The following WIPF1 variants were observed in gnomAD, a reference collection of about 807,000 sequenced individuals.
The protein encoded by WIPF1 is WAS/WASL interacting protein family member 1.
A neutral mutation model predicts 35.4 loss-of-function variants in WIPF1; 13 were observed. That is an observed-to-expected ratio of 0.37 (90% CI 0.24 to 0.58). The LOEUF (loss-of-function observed/expected upper bound fraction) is 0.58. Ranked by LOEUF, WIPF1 falls within the 20% of genes least tolerant of loss-of-function variation. The pLI is 0.74. For missense variants in WIPF1, 591 were observed against 667.0 expected (o/e 0.89, Z 1.25); for synonymous variants, 267 against 266.3 (o/e 1.00, Z -0.02).
intron 1 of WIPF1, among the ~76,000 whole-genome samples, chr2:174,631,477 G>A (rs997941117): frequency 2.0e-5 from 3 of 152,176 alleles, no homozygotes; most frequent in Admixed American, 1.3e-4. Flanking sequence ...GGAATGGGGA[G>A]TTGTTGTTTA....
intron 1 of WIPF1, chr2:174,656,216 C>G (rs951978717): frequency 1.4e-4 from 21 of 152,386 alleles, no homozygotes; most frequent in African/African-American, 4.6e-4. Context: ...CAGGCAAGAA[C>G]AGCAGAAGAG....
chr2:174,585,493 A>G (rs1685382610), intron 2 of WIPF1, 30 bp downstream of exon 2: 4 of 1,475,820 alleles, frequency 2.7e-6, no homozygotes, highest in Non-Finnish European at 3.7e-6. Flanking sequence ...TGCTTTATGC[A>G]TAGAAAGTGT....
intron 1 of WIPF1, among the ~76,000 whole-genome samples, chr2:174,595,518 G>A (rs932977037): frequency 1.3e-5 from 2 of 152,044 alleles, no homozygotes; most frequent in Non-Finnish European, 2.9e-5. Context: ...ATGAAGGAGT[G>A]CTTAATAAGT....
Position 174,561,123 on chromosome 2 carries a change from C to T in WIPF1, c.*1424G>A, listed in dbSNP as rs1684473515. ...CAAAATCATATAAGAAAAGGCAAGG[C>T]TGGCTCTTCCCTATGGTCCTTTAGT... On this transcript the variant is annotated 3_prime_UTR_variant, in exon 8 of 8. Coordinates refer to ENST00000679041, the MANE Select transcript of WIPF1 (RefSeq NM_001375834.1). 1 of 152,630 alleles carries T rather than the reference C, an allele frequency of 6.6e-6. No individual in the cohort carries two copies. The highest frequency in any genetic ancestry group is 1.5e-5 in the Non-Finnish European group (1 of 68,046). 9.5% of individuals were successfully genotyped at this position (152,630 alleles called of 1,614,324 possible).
chr2:174,588,932 C>G (rs1348624718), intron 1 of WIPF1, among the ~76,000 whole-genome samples: 1 of 152,202 alleles, frequency 6.6e-6, no homozygotes, highest in African/African-American at 2.4e-5. Flanking sequence ...ATCTCTCACT[C>G]CCCTCCAGAT....
At chr2:174,601,975 G>C (rs1302564940), upstream of WIPF1, among the ~76,000 whole-genome samples, 1 of 152,186 alleles carries the variant, frequency 6.6e-6, no homozygotes. Flanking sequence ...GAAGAAAGAG[G>C]GTGGAGAGAA....
In WIPF1 at chr2:174,624,937, G is replaced by A. The variant is rs573076921; in HGVS notation, c.-38-39326C>T. On this transcript the variant is annotated intron_variant, in intron 1 of 8. Coordinates refer to the WIPF1 transcript ENST00000272746. ...GAAGCTGACCCCATCGCCCTACAGC[G>A]TTCTGACAACTGGCACTATGGGGAC... 7.2e-5 allele frequency among the ~76,000 whole-genome samples: 11 copies of A among 152,288 alleles called. No individual in the cohort carries two copies. In the South Asian group the frequency reaches 1.4e-3, roughly 20 times the overall value.
intron 3 of WIPF1, among the ~76,000 whole-genome samples, chr2:174,578,478 T>C (rs143984969): frequency 6.6e-6 from 1 of 152,246 alleles, no homozygotes; most frequent in Non-Finnish European, 1.5e-5. Context: ...ATAAAGTTTT[T>C]ATCTTTTCCC....
At chr2:174,588,064 C>T (rs867604008) in intron 1 of WIPF1, among the ~76,000 whole-genome samples, 5 of 152,290 alleles carry the variant, frequency 3.3e-5, no homozygotes, top group Admixed American at 6.5e-5. Context: ...GCATCTCCAG[C>T]GGCACATTCA....
intron 1 of WIPF1, among the ~76,000 whole-genome samples, chr2:174,652,807 AC>A (rs142600190): frequency 3.3e-5 from 5 of 151,396 alleles, no homozygotes; most frequent in African/African-American, 7.3e-5. Flanking sequence ...AAAAAAAAAA[AC>A]AAAAAAAAAC....
At chr2:174,596,466 C>T (rs1277682091) in intron 1 of WIPF1, among the ~76,000 whole-genome samples, 2 of 152,218 alleles carry the variant, frequency 1.3e-5, no homozygotes, top group Non-Finnish European at 2.9e-5. Context: ...TCCTTTCTCA[C>T]TGTCCTGTCC....
At position 174,640,873 on chromosome 2, in the gene WIPF1, C is replaced by A. The variant is rs572267286; in HGVS notation, c.-39+41901G>T. On this transcript the variant is annotated intron_variant, in intron 1 of 8. Coordinates refer to the WIPF1 transcript ENST00000272746. Reference sequence around the variant, plus strand: ...ATTTAATGCAATCCCTATCAAAATACCAATGACATTCTTCACAGAAACAGA... The same window carrying A: ...ATTTAATGCAATCCCTATCAAAATAACAATGACATTCTTCACAGAAACAGA... Among the ~76,000 whole-genome samples the A allele has an allele frequency of 3.3e-5, 5 of 152,220 alleles. No homozygotes were observed. In the South Asian group the frequency reaches 1.0e-3, roughly 32 times the overall value.
At chr2:174,609,591 T>G (rs1244212826) in intron 1 of WIPF1, among the ~76,000 whole-genome samples, 1 of 152,256 alleles carries the variant, frequency 6.6e-6, no homozygotes, top group African/African-American at 2.4e-5. Flanking sequence ...TATTTTATAA[T>G]AAATTACTTT....
Position 174,571,981 on chromosome 2 carries a change from G to A in WIPF1, c.824C>T (p.Pro275Leu). ...GGGAACCGCTTCCCTGTGGATGGAGGGCCTGTTGCCCACTGGAGGAGGTGG... is the reference window on the plus strand; with the variant it reads ...GGGAACCGCTTCCCTGTGGATGGAGAGCCTGTTGCCCACTGGAGGAGGTGG... ...PPPPPPVGNR[P>L]SIHREAVPPP... The change falls in exon 5 of 8, where the codon CCC (proline) becomes CTC (leucine). Residue 275 changes from proline to leucine, a missense_variant. Physicochemically the swap from Pro to Leu is moderately conservative, Grantham distance 98. This residue lies in a region of WIPF1 where 471 missense variants were observed against 501.1 expected (regional missense o/e 0.94). Coordinates refer to ENST00000679041, the MANE Select transcript of WIPF1 (RefSeq NM_001375834.1). The surrounding 1 kb of genome is among the most constrained non-coding windows in gnomAD (Gnocchi z 4.6). The A allele has an allele frequency of 6.4e-7, 1 of 1,557,484 alleles. No homozygotes were observed. The highest frequency in any genetic ancestry group is 8.7e-7 in the Non-Finnish European group (1 of 1,154,144).
At chr2:174,672,840 C>G (rs1257334445) in intron 1 of WIPF1, among the ~76,000 whole-genome samples, 2 of 152,218 alleles carry the variant, frequency 1.3e-5, no homozygotes, top group African/African-American at 4.8e-5. Context: ...CTGGTGAACT[C>G]CTCATTTACT....
intron 1 of WIPF1, among the ~76,000 whole-genome samples, chr2:174,593,346 G>C (rs957631071): frequency 6.6e-6 from 1 of 152,092 alleles, no homozygotes; most frequent in Non-Finnish European, 1.5e-5. Context: ...CTGAGAAAAG[G>C]TTTTTAAATT....
At chr2:174,645,421 T>G (rs1366597513) in intron 1 of WIPF1, among the ~76,000 whole-genome samples, 3 of 152,208 alleles carry the variant, frequency 2.0e-5, no homozygotes, top group African/African-American at 4.8e-5. Flanking sequence ...CCACATGAGT[T>G]GTGCAGCAGG....
Position 174,572,178 on chromosome 2 carries a change from G to A in WIPF1, c.627C>T (p.Gly209=), listed in dbSNP as rs562239333. The A allele has an allele frequency of 5.6e-6, 9 of 1,614,084 alleles. No homozygotes were observed. The highest frequency in any genetic ancestry group is 1.7e-4 in the Middle Eastern group (1 of 6,060). ...HNRGSPPVPG[G]PRQPSPGPTP... ...TGGGCCCGGGGCTGGGCTGCCTGGGGCCTCCGGGCACTGGTGGGGACCCCC... is the reference window on the plus strand; with the variant it reads ...TGGGCCCGGGGCTGGGCTGCCTGGGACCTCCGGGCACTGGTGGGGACCCCC... Residue 209 remains glycine, a synonymous_variant, in exon 5 of 8, where the codon GGC becomes GGT. Coordinates refer to ENST00000679041, the MANE Select transcript of WIPF1 (RefSeq NM_001375834.1).
In WIPF1 at chr2:174,571,327, T is replaced by G; in HGVS notation, c.1129+349A>C. ...GGGAGGTGGGGACTTATTTTCCCAA[T>G]TAAGACCGCCGAAATTCTCTCTAGG... On this transcript the variant is annotated intron_variant, in intron 5 of 7. Coordinates refer to ENST00000679041, the MANE Select transcript of WIPF1 (RefSeq NM_001375834.1). This position sits in a 1 kb window ranked among gnomAD's most constrained non-coding sequence, Gnocchi z 4.6. 2 of 512,706 alleles carry G rather than the reference T, an allele frequency of 3.9e-6. No homozygotes were observed. The highest frequency in any genetic ancestry group is 7.0e-5 in the East Asian group (2 of 28,724). The allele number at this position is 512,706 out of a possible 1,614,324, so 31.8% of individuals were successfully genotyped here. A position where few individuals can be genotyped will look rare whatever the true frequency, so the allele number is the denominator to read the frequency against.
Sources: allele counts gnomAD v4.1 joint callset (sites outside exome capture counted in the v4.1 genomes callset), GRCh38; gene constraint gnomAD v4.1.1; regional missense constraint gnomAD v4.1.1; non-coding constraint Gnocchi (gnomAD v3.1); transcripts MANE v1.5; gene names NCBI Gene and HGNC (gene_info 2026-07-23, HGNC 2026-07-21).